Variants in ROBO2 observed in about 807,000 individuals in gnomAD.
The protein encoded by ROBO2 is roundabout homolog 2.
A neutral mutation model predicts 160.8 loss-of-function variants in ROBO2; 53 were observed. The observed-to-expected ratio is 0.33, with a 90% CI of 0.26 to 0.41. ROBO2 has a LOEUF of 0.41. Among genes scored for constraint, ROBO2 ranks in the 10% least tolerant of loss-of-function variants. The pLI, the probability that ROBO2 is intolerant of heterozygous loss-of-function variation, is 1.00. For synonymous variants in ROBO2, 664 were observed against 611.7 expected (o/e 1.09, Z -1.26); for missense variants, 1,577 against 1,722.4 (o/e 0.92, Z 1.49).
chr3:76,446,322 C>G (rs1559959737), intron 2 of ROBO2, among the ~76,000 whole-genome samples: 1 of 152,082 alleles, frequency 6.6e-6, no homozygotes, highest in Non-Finnish European at 1.5e-5. Flanking sequence ...ACCTAGGAAT[C>G]CCACTTACAA....
At chr3:77,531,402 AT>A (rs35230657) in intron 6 of ROBO2, among the ~76,000 whole-genome samples, 116,499 of 150,992 alleles carry the variant, frequency 0.77, 45,297 homozygotes, top group African/African-American at 0.86. Context: ...CTACAGGGAC[AT>A]TTTTTTTTTA....
chr3:77,127,003 A>G, intron 2 of ROBO2, among the ~76,000 whole-genome samples: 1 of 151,582 alleles, frequency 6.6e-6, no homozygotes, highest in East Asian at 2.0e-4. Context: ...GTTAGCCAGG[A>G]TGGTCTCCAT....
At chr3:76,614,244 G>A (rs1376841410) in intron 2 of ROBO2, among the ~76,000 whole-genome samples, 4 of 151,980 alleles carry the variant, frequency 2.6e-5, no homozygotes, top group Non-Finnish European at 5.9e-5. Flanking sequence ...CTCCCTTCAT[G>A]TCATAATGGA....
At chr3:76,484,925 C>T (rs775194228) in intron 2 of ROBO2, among the ~76,000 whole-genome samples, 6 of 152,028 alleles carry the variant, frequency 3.9e-5, no homozygotes, top group East Asian at 1.9e-4. Flanking sequence ...CCTGTCACTA[C>T]GCAGGGCCCT....
At chr3:77,313,795 G>A (rs765984532) in intron 2 of ROBO2, among the ~76,000 whole-genome samples, 2 of 152,122 alleles carry the variant, frequency 1.3e-5, no homozygotes, top group Non-Finnish European at 2.9e-5. Flanking sequence ...CATTGATCAC[G>A]CTGGTCTCGA....
intron 2 of ROBO2, among the ~76,000 whole-genome samples, chr3:76,836,207 G>A (rs1214994634): frequency 6.6e-6 from 1 of 151,680 alleles, no homozygotes; most frequent in Non-Finnish European, 1.5e-5. Flanking sequence ...TTTTTACCTG[G>A]TCTACTACTT....
chr3:76,134,919 A>G (rs2071373320), intron 2 of ROBO2, among the ~76,000 whole-genome samples: 1 of 152,134 alleles, frequency 6.6e-6, no homozygotes, highest in Non-Finnish European at 1.5e-5. Flanking sequence ...TGACCCAAGC[A>G]TATGTTTCAA....
chr3:77,205,514 G>T (rs969934922), intron 2 of ROBO2, among the ~76,000 whole-genome samples: 1 of 151,900 alleles, frequency 6.6e-6, no homozygotes, highest in Admixed American at 6.6e-5. Flanking sequence ...GTACAGGATG[G>T]GGGGACATGG....
intron 21 of ROBO2, among the ~76,000 whole-genome samples, chr3:77,610,741 C>CG (rs1553697215): frequency 5.0e-5 from 1 of 19,826 alleles, no homozygotes; most frequent in Non-Finnish European, 9.6e-5. Flanking sequence ...GGCCAAAGAC[C>CG]AAAAAAAAAA....
At chr3:77,574,450 T>C (rs2093712039) in intron 13 of ROBO2, 49 bp from the exon 15 acceptor site, 1 of 1,465,760 alleles carries the variant, frequency 6.8e-7, no homozygotes, top group African/African-American at 1.4e-5. Context: ...CATTGTGTTG[T>C]CTAAAATACT....
intron 2 of ROBO2, among the ~76,000 whole-genome samples, chr3:76,723,335 A>T (rs2093494722): frequency 6.6e-6 from 1 of 152,230 alleles, no homozygotes; most frequent in African/African-American, 2.4e-5. Flanking sequence ...TTCCTTTTAT[A>T]TACATAGAAA....
At position 76,877,180 on chromosome 3, in the gene ROBO2, A is replaced by C. The variant is rs574025390; in HGVS notation, c.110-220834A>C. 3.3e-5 allele frequency among the ~76,000 whole-genome samples: 5 copies of C among 152,306 alleles called. No homozygotes were observed. In the South Asian group the frequency reaches 1.0e-3, roughly 32 times the overall value. On this transcript the variant is annotated intron_variant, in intron 2 of 26. Transcript: ENST00000487694. ...AAAGTTAAGGCTTCTAATAGCAGTA[A>C]CACTAAAGAAATAAGATTATAACAT...
chr3:77,185,080 G>A (rs2081159837), intron 2 of ROBO2, among the ~76,000 whole-genome samples: 2 of 152,086 alleles, frequency 1.3e-5, no homozygotes, highest in Admixed American at 6.6e-5. Flanking sequence ...TGGGTTCAGC[G>A]CTGCCATAAA....
In ROBO2 at chr3:77,020,033, A is replaced by G. The variant is rs180997624; in HGVS notation, c.110-77981A>G. Among the ~76,000 whole-genome samples, 14 of 152,336 alleles carry G rather than the reference A, an allele frequency of 9.2e-5. No homozygotes were observed. In the East Asian group the frequency reaches 1.9e-3, roughly 21 times the overall value. ...CTGTATATGATATGCTTAGCAGAGC[A>G]CATACAGAGCCCAACCATTTATTCT... On this transcript the variant is annotated intron_variant, in intron 2 of 26. Coordinates refer to the ROBO2 transcript ENST00000487694.
At chr3:76,531,255 T>C (rs1472638552) in intron 2 of ROBO2, among the ~76,000 whole-genome samples, 3 of 151,504 alleles carry the variant, frequency 2.0e-5, no homozygotes, top group African/African-American at 4.9e-5. Flanking sequence ...CATTAATTCA[T>C]TGAACCAAAT....
chr3:76,513,772 A>G (rs1475761263), intron 2 of ROBO2, among the ~76,000 whole-genome samples: 1 of 152,222 alleles, frequency 6.6e-6, no homozygotes, highest in Non-Finnish European at 1.5e-5. Flanking sequence ...TTAAACAACT[A>G]TCAGACTATC....
chr3:76,185,215 T>TATATACACAC, intron 2 of ROBO2, among the ~76,000 whole-genome samples: 1 of 90,308 alleles, frequency 1.1e-5, no homozygotes, highest in African/African-American at 3.8e-5. Context: ...TATATATATA[T>TATATACACAC]ACACACACAA....
intron 2 of ROBO2, among the ~76,000 whole-genome samples, chr3:76,944,912 G>A (rs941118868): frequency 2.0e-5 from 3 of 151,076 alleles, no homozygotes; most frequent in Non-Finnish European, 2.9e-5. Context: ...TTTTTTAGAC[G>A]GAGTCTCGCT....
chr3:75,924,681 C>T (rs369694265), intron 1 of ROBO2, among the ~76,000 whole-genome samples: 121 of 65,972 alleles, frequency 1.8e-3, no homozygotes, highest in Admixed American at 2.6e-3. Flanking sequence ...ATTTTCTTTT[C>T]TTTTTTTTTT....
Sources: gnomAD v4.1 joint callset for allele counts (sites outside exome capture counted in the v4.1 genomes callset) on GRCh38, gnomAD v4.1.1 for gene constraint, MANE v1.5 for transcripts, NCBI Gene and HGNC (gene_info 2026-07-23, HGNC 2026-07-21) for gene names.